Variants in CACNA1E observed in about 807,000 individuals in gnomAD.
The protein encoded by CACNA1E is voltage-dependent R-type calcium channel subunit alpha-1E.
Under a neutral mutation model 259.2 loss-of-function variants are expected in CACNA1E, and 40 were observed. The observed-to-expected ratio is 0.15, with a 90% CI of 0.12 to 0.20. The LOEUF is 0.20. Among genes scored for constraint, CACNA1E ranks in the 10% least tolerant of loss-of-function variants. The pLI is 1.00. For synonymous variants in CACNA1E, 1,104 were observed against 1,138.5 expected (o/e 0.97, Z 0.61); for missense variants, 1,874 against 3,040.1 (o/e 0.62, Z 9.02).
chr1:181,796,104 T>C (rs958724980), intron 46 of CACNA1E, among the ~76,000 whole-genome samples: 1 of 152,164 alleles, frequency 6.6e-6, no homozygotes, highest in Non-Finnish European at 1.5e-5. Flanking sequence ...ACAGAATAGA[T>C]TGCATTGTTT....
chr1:181,764,967 A>T (rs1303562035), intron 34 of CACNA1E, among the ~76,000 whole-genome samples: 3 of 152,208 alleles, frequency 2.0e-5, no homozygotes, highest in Non-Finnish European at 1.5e-5. Flanking sequence ...ACTACAGAGA[A>T]CAGGGAAGAC....
intron 32 of CACNA1E, among the ~76,000 whole-genome samples, chr1:181,759,126 T>G (rs1202557267): frequency 6.6e-6 from 1 of 152,212 alleles, no homozygotes; most frequent in Non-Finnish European, 1.5e-5. Flanking sequence ...ATCATTGAGT[T>G]TCACTAGAAC....
At chr1:181,569,184 T>TCGCAAGGACAGCCATGATCA (rs1175043633) in intron 3 of CACNA1E, among the ~76,000 whole-genome samples, 9 of 152,220 alleles carry the variant, frequency 5.9e-5, no homozygotes, top group African/African-American at 2.2e-4. Context: ...TCATTAAGTA[T>TCGCAAGGACAGCCATGATCA]CGCAAGGACA....
chr1:181,320,968 C>T (rs1411460555), intron 1 of CACNA1E, among the ~76,000 whole-genome samples: 1 of 152,052 alleles, frequency 6.6e-6, no homozygotes, highest in Non-Finnish European at 1.5e-5. Context: ...TGCCAACATC[C>T]GTTTCTGGTG....
chr1:181,769,035 G>A (rs1659264614), intron 35 of CACNA1E, among the ~76,000 whole-genome samples: 1 of 152,182 alleles, frequency 6.6e-6, no homozygotes, highest in South Asian at 2.1e-4. Context: ...AACTTGCTGG[G>A]GATGAGAAAG....
intron 6 of CACNA1E, among the ~76,000 whole-genome samples, chr1:181,644,275 T>C (rs907847567): frequency 1.3e-5 from 2 of 152,128 alleles, no homozygotes; most frequent in Admixed American, 1.3e-4. Context: ...CCCATTTTGG[T>C]TCTAGATTGT....
At chr1:181,572,216 A>G (rs1240318783) in intron 3 of CACNA1E, among the ~76,000 whole-genome samples, 1 of 152,110 alleles carries the variant, frequency 6.6e-6, no homozygotes, top group African/African-American at 2.4e-5. Flanking sequence ...GTTCAAAGGG[A>G]ATGCAAGGTT....
intron 3 of CACNA1E, among the ~76,000 whole-genome samples, chr1:181,519,615 A>C (rs530569871): frequency 7.2e-5 from 11 of 152,268 alleles, no homozygotes; most frequent in African/African-American, 2.6e-4. Flanking sequence ...ACTAAAGTGC[A>C]TGTTGCTAAG....
Position 181,666,723 on chromosome 1 carries a change from C to T in CACNA1E, c.1055+15282C>T, listed in dbSNP as rs968401221. 1.3e-4 allele frequency among the ~76,000 whole-genome samples: 20 copies of T among 150,194 alleles called. 1 individual carries two copies. Among genetic ancestry groups the T allele is most frequent in the South Asian group, 8.4e-4 (4 of 4,758 alleles). On this transcript the variant is annotated intron_variant, in intron 7 of 47. Coordinates refer to ENST00000367573, the MANE Select transcript of CACNA1E (RefSeq NM_001205293.3). ...CAGGAACCAAATATATATATATATA[C>T]ACACACACACACGACATATATTGTG...
chr1:181,401,600 G>C (rs1309970567), intron 1 of CACNA1E, among the ~76,000 whole-genome samples: 2 of 152,160 alleles, frequency 1.3e-5, no homozygotes, highest in Non-Finnish European at 2.9e-5. Flanking sequence ...AAAACCTCCA[G>C]TATGGTGCTT....
At chr1:181,459,727 G>A (rs1452599075) in intron 2 of CACNA1E, among the ~76,000 whole-genome samples, 3 of 152,122 alleles carry the variant, frequency 2.0e-5, no homozygotes, top group Non-Finnish European at 2.9e-5. Flanking sequence ...TGTAAAACCC[G>A]ACAGCACTTC....
At chr1:181,519,526 A>G (rs1228245372) in intron 3 of CACNA1E, among the ~76,000 whole-genome samples, 3 of 152,222 alleles carry the variant, frequency 2.0e-5, no homozygotes, top group African/African-American at 4.8e-5. Flanking sequence ...CTAAAGCTCA[A>G]TCACTGAATT....
chr1:181,587,243 G>T (rs764309515), intron 6 of CACNA1E, among the ~76,000 whole-genome samples: 9 of 152,278 alleles, frequency 5.9e-5, no homozygotes, highest in Non-Finnish European at 1.3e-4. Context: ...GTTTGAGAAG[G>T]TATAACATAG....
intron 35 of CACNA1E, 101 bp downstream of exon 35, chr1:181,766,712 C>T: frequency 1.1e-6 from 1 of 881,958 alleles, no homozygotes. Flanking sequence ...CTTTGAACCC[C>T]TTCTTGCCTA....
chr1:181,778,632 T>A (rs1397396512), intron 38 of CACNA1E, among the ~76,000 whole-genome samples: 1 of 152,176 alleles, frequency 6.6e-6, no homozygotes, highest in Non-Finnish European at 1.5e-5. Flanking sequence ...CAATCATTAA[T>A]TCTATCCCTT....
chr1:181,382,709 C>T (rs1655542589), intron 1 of CACNA1E, among the ~76,000 whole-genome samples: 2 of 152,190 alleles, frequency 1.3e-5, no homozygotes, highest in African/African-American at 4.8e-5. Context: ...AATCTTCTCT[C>T]AAATGTGTGT....
rs635118 is a variant in CACNA1E at position 181,801,599 on chromosome 1, G to T, written c.*2765G>T. The stretch of plus-strand genomic sequence containing the variant: ...TCACAAACTCATCATCTTGTTTGGT[G>T]TTCTGCTGCCTCTGAACAAAAGTGA... On this transcript the variant is annotated 3_prime_UTR_variant, in exon 48 of 48. Transcript: ENST00000367573. The T allele has an allele frequency of 0.33, 50,100 of 152,060 alleles. 8,486 individuals are homozygous for T. Among genetic ancestry groups the T allele is most frequent in the Middle Eastern group, 0.45 (131 of 294 alleles). 9.4% of individuals were successfully genotyped at this position (152,060 alleles called of 1,614,324 possible).
chr1:181,770,851 T>C (rs1346908095), intron 35 of CACNA1E, among the ~76,000 whole-genome samples: 1 of 152,128 alleles, frequency 6.6e-6, no homozygotes. Flanking sequence ...ATAAATGATG[T>C]CTTCTTGCAA....
chr1:181,778,192 T>TAACA (rs1382899213), intron 38 of CACNA1E, among the ~76,000 whole-genome samples: 1 of 152,136 alleles, frequency 6.6e-6, no homozygotes, highest in African/African-American at 2.4e-5. Flanking sequence ...TGAGGAAGAC[T>TAACA]AACAAAAGTA....
Sources: allele counts gnomAD v4.1 joint callset (sites outside exome capture counted in the v4.1 genomes callset), GRCh38; gene constraint gnomAD v4.1.1; transcripts MANE v1.5; gene names NCBI Gene and HGNC (gene_info 2026-07-23, HGNC 2026-07-21).